ATP5PF: variants seen among roughly 807,000 people sequenced by gnomAD.
The protein encoded by ATP5PF is ATP synthase peripheral stalk subunit F6.
ATP5PF carries 7 observed loss-of-function variants against 12.0 expected under a neutral mutation model. That is an observed-to-expected ratio of 0.58 (90% CI 0.33 to 1.10). The LOEUF is 1.10. Among genes scored for constraint, ATP5PF ranks in the 50% least tolerant of loss-of-function variants. ATP5PF has a pLI of 0.03. For missense variants in ATP5PF, 120 were observed against 127.7 expected, an observed-to-expected ratio of 0.94 and a Z score of 0.29; for synonymous variants, 41 against 45.4, an observed-to-expected ratio of 0.90 and a Z score of 0.39.
chr21:25,725,166 A>G (rs2034583421), intron 3 of ATP5PF, 60 bp downstream of exon 3: 9 of 1,545,216 alleles, frequency 5.8e-6, no homozygotes, highest in Non-Finnish European at 7.8e-6. Context: ...AAATCCAGGT[A>G]AGTGTAAATA....
At chr21:25,735,194 C>G, upstream of ATP5PF, 1 of 598,042 alleles carries the variant, frequency 1.7e-6, no homozygotes, top group Non-Finnish European at 3.0e-6. Flanking sequence ...GGCCTTTCCC[C>G]TAGTTCAAGC....
At chr21:25,734,727 G>A in intron 1 of ATP5PF, 126 bp downstream of exon 1, 1 of 978,016 alleles carries the variant, frequency 1.0e-6, no homozygotes, top group Non-Finnish European at 1.5e-6. Context: ...GCCAGGCCGT[G>A]AAGGTCCCCA....
Position 25,724,644 on chromosome 21 carries a change from G to C in ATP5PF, c.323C>G (p.Ala108Gly). Residue 108 changes from alanine to glycine, a missense_variant, in exon 4 of 4, where the codon GCC becomes GGC. Ala to Gly is a moderately conservative substitution (Grantham distance 60, BLOSUM62 0). Transcript: ENST00000284971. ...GATTAATTTTACTTTATTTCTTCAG[G>C]CCTGGGGTTTTTCGATGACTTCAAA... ...PKFEVIEKPQ[A>G] 6.3e-7 allele frequency: 1 copy of C among 1,599,452 alleles called. No homozygotes were observed. Among genetic ancestry groups the C allele is most frequent in the Non-Finnish European group, 8.5e-7 (1 of 1,176,210 alleles).
At chr21:25,726,423 A>C (rs2034621451) in intron 2 of ATP5PF, among the ~76,000 whole-genome samples, 1 of 152,198 alleles carries the variant, frequency 6.6e-6, no homozygotes, top group Non-Finnish European at 1.5e-5. Context: ...ATCAGGGAAA[A>C]TTTCATTTTA....
upstream of ATP5PF, chr21:25,735,262 G>A (rs1347059361): frequency 2.2e-5 from 11 of 509,930 alleles, no homozygotes; most frequent in East Asian, 6.7e-5. Flanking sequence ...AAGGTGCAGG[G>A]AAAGTGAGAC....
intron 2 of ATP5PF, 42 bp downstream of exon 2, chr21:25,729,588 CT>C (rs3216073): frequency 0.2 from 300,515 of 1,511,370 alleles, 33,395 homozygotes; most frequent in African/African-American, 0.44. Context: ...AACTTACATA[CT>C]TTGAATATTT....
chr21:25,725,135 C>T (rs892910518), intron 3 of ATP5PF, 91 bp downstream of exon 3: 31 of 1,486,560 alleles, frequency 2.1e-5, no homozygotes, highest in Non-Finnish European at 2.7e-5. Context: ...CACATGTCAA[C>T]ACTGTCATTC....
At chr21:25,735,217 C>CA, upstream of ATP5PF, 1 of 590,582 alleles carries the variant, frequency 1.7e-6, no homozygotes, top group Non-Finnish European at 3.0e-6. Context: ...CCCTCCGAGT[C>CA]AGCGTCCTGT....
At chr21:25,734,596 C>A (rs540299961) in intron 1 of ATP5PF, 1 of 419,988 alleles carries the variant, frequency 2.4e-6, no homozygotes, top group Non-Finnish European at 3.9e-6. Flanking sequence ...GGGCCCGAGA[C>A]CCCCGGGCCT....
rs71183508 is a variant in ATP5PF at position 25,730,736 on chromosome 21, C to CAAAAA, written c.-7-940_-7-936dup. 7.2e-3 allele frequency among the ~76,000 whole-genome samples: 229 copies of CAAAAA among 31,874 alleles called. 40 individuals carry two copies. The highest frequency in any genetic ancestry group is 0.011 in the Non-Finnish European group (157 of 14,364). 20.9% of individuals were successfully genotyped at this position (31,874 alleles called of 152,430 possible). Reference sequence around the variant, plus strand: ...GCAACAAGAGCAAGACTCCGTCTCACAAAAAAAAAAAAAAAAAAAAAAAAA... The same window carrying CAAAAA: ...GCAACAAGAGCAAGACTCCGTCTCACAAAAAAAAAAAAAAAAAAAAAAAAAAAAAA... On this transcript the variant is annotated intron_variant, in intron 1 of 3. Transcript: ENST00000284971.
At chr21:25,724,786 C>A in intron 3 of ATP5PF, 109 bp from the exon 4 acceptor site, 1 of 1,113,124 alleles carries the variant, frequency 9.0e-7, no homozygotes, top group South Asian at 1.4e-5. Flanking sequence ...TTAGTAAACA[C>A]TGTTTGTAAA....
At chr21:25,729,232 T>A (rs376642170) in intron 2 of ATP5PF, among the ~76,000 whole-genome samples, 1 of 152,222 alleles carries the variant, frequency 6.6e-6, no homozygotes, top group Non-Finnish European at 1.5e-5. Context: ...AAAATATACT[T>A]TGATAATATA....
intron 2 of ATP5PF, among the ~76,000 whole-genome samples, chr21:25,728,575 T>C (rs2034676824): frequency 6.6e-6 from 1 of 152,212 alleles, no homozygotes; most frequent in Non-Finnish European, 1.5e-5. Context: ...TGTACAGGTC[T>C]ACTGAAGGCC....
At chr21:25,729,423 C>G (rs759605856) in intron 2 of ATP5PF, among the ~76,000 whole-genome samples, 2 of 152,026 alleles carry the variant, frequency 1.3e-5, no homozygotes, top group South Asian at 4.1e-4. Flanking sequence ...GTAGGATTTT[C>G]CCTTGTAACT....
At position 25,729,634 on chromosome 21, in the gene ATP5PF, C is replaced by A; in HGVS notation, c.161G>T (p.Arg54Leu). 6.2e-7 allele frequency: 1 copy of A among 1,606,064 alleles called. No individual in the cohort carries two copies. The highest frequency in any genetic ancestry group is 8.5e-7 in the Non-Finnish European group (1 of 1,175,808). ...CTGTAGTTATTTATTCACTTACTGT[C>A]GCTTAGATTTGTATTCTCTAATCTT... ...VDKIREYKSK[R>L]QTSGGPVDAS... Residue 54 changes from arginine (R) to leucine (L), a missense_variant, in exon 2 of 4, where the codon CGA becomes CTA. Arg to Leu is a moderately radical substitution (Grantham distance 102). Transcript: ENST00000284971.
intron 2 of ATP5PF, among the ~76,000 whole-genome samples, chr21:25,726,509 A>G (rs1250773886): frequency 6.6e-6 from 1 of 152,192 alleles, no homozygotes; most frequent in Non-Finnish European, 1.5e-5. Flanking sequence ...GGAAAAAGCA[A>G]AGACATAGAG....
At chr21:25,734,297 G>C in intron 1 of ATP5PF, 1 of 983,594 alleles carries the variant, frequency 1.0e-6, no homozygotes, top group African/African-American at 1.7e-5. Context: ...CCTTGTTCTG[G>C]GTGGGAGCAT....
In ATP5PF at chr21:25,734,881, C is replaced by T. The variant is rs1244365479; in HGVS notation, c.-36G>A. The stretch of plus-strand genomic sequence containing the variant: ...GCACTCAGTCCCGAGCTGCCAAAGC[C>T]TCCGCCGCCACCACCTCCGCTCTAC... On this transcript the variant is annotated 5_prime_UTR_variant, in exon 1 of 4. Transcript: ENST00000284971. 79 of 1,549,432 alleles carry T rather than the reference C, an allele frequency of 5.1e-5. 1 individual carries two copies. The South Asian group carries it at 9.1e-4, about 18-fold the overall frequency.
chr21:25,735,311 G>C, upstream of ATP5PF: 1 of 306,872 alleles, frequency 3.3e-6, no homozygotes, highest in Non-Finnish European at 6.2e-6. Context: ...GTGCTTCCTT[G>C]TACCTCGTGA....
Sources: allele counts gnomAD v4.1 joint callset (sites outside exome capture counted in the v4.1 genomes callset), GRCh38; gene constraint gnomAD v4.1.1; transcripts MANE v1.5; gene names NCBI Gene and HGNC (gene_info 2026-07-23, HGNC 2026-07-21).